The following CALCR variants were observed in gnomAD, a reference collection of about 807,000 sequenced individuals.
CALCR encodes calcitonin receptor.
Under a neutral mutation model 59.5 loss-of-function variants are expected in CALCR, and 47 were observed. The observed-to-expected ratio is 0.79, with a 90% CI of 0.63 to 1.01. CALCR has a LOEUF of 1.01. Ranked by LOEUF, CALCR falls within the 50% of genes least tolerant of loss-of-function variation. The probability of loss-of-function intolerance (pLI) is 0.00; values close to 1 mark genes in which losing one functional copy is unlikely to be tolerated. For synonymous variants in CALCR, 213 were observed against 211.3 expected, an observed-to-expected ratio of 1.01 and a Z score of -0.07; for missense variants, 566 against 597.1, an observed-to-expected ratio of 0.95 and a Z score of 0.54.
chr7:93,462,091 G>A (rs865850060), intron 7 of CALCR: 3 of 1,502,480 alleles, frequency 2.0e-6, no homozygotes, highest in Middle Eastern at 3.4e-4. Flanking sequence ...CAATTCAAAG[G>A]AAAAATAGTT....
chr7:93,545,398 CAA>C (rs1416902029), intron 2 of CALCR, among the ~76,000 whole-genome samples: 1 of 152,018 alleles, frequency 6.6e-6, no homozygotes, highest in Non-Finnish European at 1.5e-5. Context: ...CAGGCTCAAA[CAA>C]AGTGAATTCT....
At chr7:93,510,414 G>A (rs1801520703) in intron 2 of CALCR, among the ~76,000 whole-genome samples, 1 of 152,178 alleles carries the variant, frequency 6.6e-6, no homozygotes, top group Non-Finnish European at 1.5e-5. Context: ...ACTCCTATCT[G>A]ATCTGGTGGG....
chr7:93,541,799 T>C (rs543966122), intron 2 of CALCR, among the ~76,000 whole-genome samples: 2 of 152,342 alleles, frequency 1.3e-5, no homozygotes, highest in Admixed American at 1.3e-4. Flanking sequence ...GTTTGGTCTG[T>C]GGCTATCCAC....
intron 8 of CALCR, among the ~76,000 whole-genome samples, chr7:93,450,044 T>A (rs1276554298): frequency 6.6e-6 from 1 of 152,064 alleles, no homozygotes; most frequent in African/African-American, 2.4e-5. Context: ...GAATATTCCA[T>A]GGCCATTTGC....
At chr7:93,562,429 CAACAACAACAAA>C (rs1789770932) in intron 2 of CALCR, among the ~76,000 whole-genome samples, 1 of 144,490 alleles carries the variant, frequency 6.9e-6, no homozygotes. Context: ...ACAACAACAA[CAACAACAACAAA>C]AAACAATGAA....
At chr7:93,491,756 T>C (rs1167462908) in intron 2 of CALCR, among the ~76,000 whole-genome samples, 1 of 151,914 alleles carries the variant, frequency 6.6e-6, no homozygotes. Flanking sequence ...AAACCATAGA[T>C]GCTGGTGAGG....
intron 2 of CALCR, among the ~76,000 whole-genome samples, chr7:93,517,539 C>G (rs1291420039): frequency 6.6e-6 from 1 of 151,810 alleles, no homozygotes; most frequent in African/African-American, 2.4e-5. Flanking sequence ...GCACTGCTAT[C>G]TTTTTAGAAT....
chr7:93,426,252 A>G lies in CALCR; in HGVS notation c.*104T>C. On this transcript the variant is annotated 3_prime_UTR_variant, in exon 14 of 14. Coordinates refer to ENST00000426151, the MANE Select transcript of CALCR (RefSeq NM_001742.4). ...CAAATTCACTGAATAATTCTTCACA[A>G]ATGATATGTTCGGTTCCTGGGAGGA... 1.4e-6 allele frequency: 1 copy of G among 705,218 alleles called. No individual in the cohort carries two copies. The highest frequency in any genetic ancestry group is 2.5e-6 in the Non-Finnish European group (1 of 393,298). 43.7% of individuals were successfully genotyped at this position (705,218 alleles called of 1,614,324 possible).
In CALCR at chr7:93,434,389, G is replaced by GAAAA. The variant is rs200558502; in HGVS notation, c.1150-99_1150-96dup. 0.031 allele frequency: 15,790 copies of GAAAA among 507,760 alleles called. 301 individuals carry two copies. The highest frequency in any genetic ancestry group is 0.1 in the Admixed American group (3,022 of 28,958). 31.5% of individuals were successfully genotyped at this position (507,760 alleles called of 1,614,324 possible). A position where few individuals can be genotyped will look rare whatever the true frequency, so the allele number is the denominator to read the frequency against. On this transcript the variant is annotated intron_variant, in intron 12 of 13. Coordinates refer to ENST00000426151, the MANE Select transcript of CALCR (RefSeq NM_001742.4). Reference sequence around the variant, plus strand: ...ATAGACTGCCCAGAGAAGGCCTGATGAAAAAAAAAAAAAGCAAGAAAAAGA... The same window carrying GAAAA: ...ATAGACTGCCCAGAGAAGGCCTGATGAAAAAAAAAAAAAAAAAGCAAGAAAAAGA...
At chr7:93,560,779 G>A (rs183326439) in intron 2 of CALCR, among the ~76,000 whole-genome samples, 2 of 152,016 alleles carry the variant, frequency 1.3e-5, no homozygotes, top group Non-Finnish European at 2.9e-5. Context: ...ATAAAGTTTG[G>A]GATGCATATA....
At chr7:93,506,650 T>G (rs543284320) in intron 2 of CALCR, among the ~76,000 whole-genome samples, 4 of 151,408 alleles carry the variant, frequency 2.6e-5, no homozygotes, top group Non-Finnish European at 5.9e-5. Flanking sequence ...ATTGTGATTT[T>G]TTTTTTTTTT....
At chr7:93,501,364 T>C (rs970387280) in intron 2 of CALCR, among the ~76,000 whole-genome samples, 10 of 152,098 alleles carry the variant, frequency 6.6e-5, no homozygotes, top group South Asian at 6.2e-4. Context: ...ATTGGCACAT[T>C]ATAATTTTAC....
intron 2 of CALCR, among the ~76,000 whole-genome samples, chr7:93,489,478 C>G (rs916076026): frequency 2.0e-5 from 3 of 151,512 alleles, no homozygotes; most frequent in South Asian, 2.1e-4. Context: ...AAACCAGGAG[C>G]TGGTTTTTTA....
Position 93,472,456 on chromosome 7 carries a change from AC to A in CALCR, c.347del (p.Gly116ValfsTer27), listed in dbSNP as rs1800574501. The A allele has an allele frequency of 3.7e-6, 6 of 1,608,340 alleles. No homozygotes were observed. The highest frequency in any genetic ancestry group is 2.2e-5 in the South Asian group (2 of 90,896). ...EKVTKYCDEKGVWFKHPENNR... is the reference protein window; with the variant it reads ...EKVTKYCDEKXVWFKHPENNR... ...TGTTTTCAGGATGTTTAAACCAAAC[AC>A]CTTTTTCATCACAGTATTTTGTAAC... On this transcript the variant is annotated frameshift_variant, in exon 6 of 14. Transcript: ENST00000426151. LOFTEE classifies it high-confidence loss of function.
rs4015273 is a variant in CALCR at position 93,454,916 on chromosome 7, TTGTGTG to T, written c.648+5899_648+5904del. ...CCACTGACAGTGAGGACAGGGCATT[TTGTGTG>T]TGTGTGTGTGTGTGTGTGTGTGTGT... is the stretch of plus-strand genomic sequence containing the variant. On this transcript the variant is annotated intron_variant, in intron 8 of 13. Coordinates refer to ENST00000426151, the MANE Select transcript of CALCR (RefSeq NM_001742.4). 9.0e-3 allele frequency among the ~76,000 whole-genome samples: 1,304 copies of T among 144,812 alleles called. 7 individuals are homozygous for T. The highest frequency in any genetic ancestry group is 0.032 in the Middle Eastern group (9 of 282).
At chr7:93,550,641 G>A (rs375836673) in intron 2 of CALCR, among the ~76,000 whole-genome samples, 1 of 31,046 alleles carries the variant, frequency 3.2e-5, no homozygotes, top group Admixed American at 2.2e-4. Flanking sequence ...ACACACACAC[G>A]AGAGACAGAG....
At chr7:93,442,033 T>C (rs1799917440) in intron 9 of CALCR, among the ~76,000 whole-genome samples, 1 of 152,150 alleles carries the variant, frequency 6.6e-6, no homozygotes, top group South Asian at 2.1e-4. Flanking sequence ...TGGGGCAGGA[T>C]GTATTTACTA....
chr7:93,521,790 T>C (rs1282322187), intron 2 of CALCR, among the ~76,000 whole-genome samples: 1 of 152,182 alleles, frequency 6.6e-6, no homozygotes, highest in African/African-American at 2.4e-5. Context: ...ACATATCTAT[T>C]AAATACTTTA....
intron 2 of CALCR, among the ~76,000 whole-genome samples, chr7:93,556,646 A>G (rs1350784488): frequency 6.6e-6 from 1 of 151,952 alleles, no homozygotes; most frequent in African/African-American, 2.4e-5. Flanking sequence ...ATAATTTTAC[A>G]CAACAGGATC....
Sources: allele counts gnomAD v4.1 joint callset (sites outside exome capture counted in the v4.1 genomes callset), GRCh38; gene constraint gnomAD v4.1.1; transcripts MANE v1.5; gene names NCBI Gene and HGNC (gene_info 2026-07-23, HGNC 2026-07-21).